ATXN3: variants seen among roughly 807,000 people sequenced by gnomAD.
ATXN3 encodes ataxin-3.
A neutral mutation model predicts 58.2 loss-of-function variants in ATXN3; 28 were observed. The observed-to-expected ratio is 0.48, with a 90% CI of 0.36 to 0.66. The LOEUF (loss-of-function observed/expected upper bound fraction) is 0.66, where lower values mean the gene tolerates loss of function less well. Among genes scored for constraint, ATXN3 ranks in the 30% least tolerant of loss-of-function variants. ATXN3 has a pLI of 0.00. For missense variants in ATXN3, 321 were observed against 422.1 expected, an observed-to-expected ratio of 0.76 and a Z score of 2.10; for synonymous variants, 113 against 138.5, an observed-to-expected ratio of 0.82 and a Z score of 1.29.
chr14:92,091,758 CACGATCATGA>C (rs2063867739), intron 5 of ATXN3, among the ~76,000 whole-genome samples: 5 of 152,050 alleles, frequency 3.3e-5, no homozygotes, highest in African/African-American at 1.2e-4. Context: ...AGTGCAGTAG[CACGATCATGA>C]TTCACTGCAG....
At chr14:92,080,860 T>C (rs2061350849) in intron 9 of ATXN3, 105 bp downstream of exon 9, 1 of 975,524 alleles carries the variant, frequency 1.0e-6, no homozygotes, top group Non-Finnish European at 1.6e-6. Context: ...TTTTAAAAAA[T>C]ACATTCAAAT....
At chr14:92,045,476 G>T (rs1050638823) in intron 2 of ATXN3, among the ~76,000 whole-genome samples, 2 of 152,074 alleles carry the variant, frequency 1.3e-5, no homozygotes, top group Non-Finnish European at 2.9e-5. Flanking sequence ...CAGACCAAGA[G>T]GTATTTTAGT....
At chr14:92,066,894 C>G (rs373062241) in intron 10 of ATXN3, among the ~76,000 whole-genome samples, 3 of 151,956 alleles carry the variant, frequency 2.0e-5, no homozygotes, top group African/African-American at 4.8e-5. Context: ...CTCAGCCTCC[C>G]AAGTAGCTAG....
Position 92,063,615 on chromosome 14 carries a change from G to A in ATXN3, c.*705C>T, listed in dbSNP as rs1242847445. 1 of 152,208 alleles carries A rather than the reference G, an allele frequency of 6.6e-6. No homozygotes were observed. Among genetic ancestry groups the A allele is most frequent in the Non-Finnish European group, 1.5e-5 (1 of 68,028 alleles). The allele number at this position is 152,208 out of a possible 1,614,324, so 9.4% of individuals were successfully genotyped here. ...AATGCTCATTTATTCTCAAGTACTT[G>A]TGCAAGGCTGATTTCAGAGTTTAGG... On this transcript the variant is annotated 3_prime_UTR_variant, in exon 11 of 11. Coordinates refer to ENST00000644486, the MANE Select transcript of ATXN3 (RefSeq NM_004993.6).
chr14:92,073,462 T>C (rs1241483788), intron 9 of ATXN3: 2 of 152,212 alleles, frequency 1.3e-5, no homozygotes, highest in Non-Finnish European at 2.9e-5. Flanking sequence ...TCCCAGCACT[T>C]TGGGAGGCCA....
upstream of ATXN3, among the ~76,000 whole-genome samples, chr14:92,051,987 A>G (rs1337164847): frequency 6.6e-6 from 1 of 151,396 alleles, no homozygotes; most frequent in African/African-American, 2.4e-5. Context: ...GGCCTCCCAA[A>G]GTGCTGGGAT....
chr14:92,086,975 A>C (rs2062735466), intron 6 of ATXN3, among the ~76,000 whole-genome samples: 1 of 152,182 alleles, frequency 6.6e-6, no homozygotes, highest in African/African-American at 2.4e-5. Context: ...CTCAAAGCAC[A>C]GGTGAAGATA....
chr14:92,092,458 C>A (rs144235163), intron 5 of ATXN3, among the ~76,000 whole-genome samples: 42 of 152,284 alleles, frequency 2.8e-4, no homozygotes, highest in Middle Eastern at 3.4e-3. Flanking sequence ...TGTAGACGTA[C>A]GTATTACATG....
intron 10 of ATXN3, among the ~76,000 whole-genome samples, chr14:92,068,217 G>T: frequency 6.6e-6 from 1 of 152,134 alleles, no homozygotes. Context: ...TCCCCAGTCA[G>T]CCTTCTCTAA....
rs1353573210 is a variant in ATXN3, at chr14:92,060,264, A to ATTTTT, written c.*4055_*4056insAAAAA. The ATTTTT allele has an allele frequency of 8.9e-6, 1 of 112,126 alleles. No individual in the cohort carries two copies. 6.9% of individuals were successfully genotyped at this position (112,126 alleles called of 1,614,324 possible). On this transcript the variant is annotated 3_prime_UTR_variant, in exon 11 of 11. Coordinates refer to ENST00000644486, the MANE Select transcript of ATXN3 (RefSeq NM_004993.6). ...TATATACACACATATATATATATATATATATATTTTTTTTTTTCAGAAACA... is the reference window on the plus strand; with the variant it reads ...TATATACACACATATATATATATATATTTTTTATATATTTTTTTTTTTCAGAAACA...
intron 2 of ATXN3, 166 bp from the exon 3 acceptor site, chr14:92,096,303 T>C (rs1164067733): frequency 2.7e-6 from 4 of 1,491,664 alleles, no homozygotes; most frequent in African/African-American, 1.4e-5. Flanking sequence ...GAATGGCCCA[T>C]CCTTTTCTAA....
chr14:92,049,595 C>A, intron 1 of ATXN3: 1 of 176,572 alleles, frequency 5.7e-6, no homozygotes, highest in Non-Finnish European at 1.1e-5. Context: ...ATGGAAAAGA[C>A]CGCTTACCCG....
At chr14:92,085,086 G>A (rs1052339442) in intron 6 of ATXN3, among the ~76,000 whole-genome samples, 2 of 152,088 alleles carry the variant, frequency 1.3e-5, no homozygotes, top group Non-Finnish European at 2.9e-5. Flanking sequence ...AAATATGCCA[G>A]CTCACCATGG....
intron 5 of ATXN3, among the ~76,000 whole-genome samples, 185 bp downstream of exon 5, chr14:92,093,066 TA>T (rs1330767083): frequency 1.7e-4 from 22 of 132,690 alleles, no homozygotes; most frequent in South Asian, 7.6e-4. Flanking sequence ...TTTTTATTTT[TA>T]TTTTTTTTTT....
chr14:92,102,204 GA>G (rs1295751411), intron 1 of ATXN3, among the ~76,000 whole-genome samples: 15 of 126,928 alleles, frequency 1.2e-4, no homozygotes, highest in Admixed American at 1.2e-3. Context: ...TCCAAAGAAA[GA>G]AAAGAAAGAA....
chr14:92,079,703 T>C (rs1345820611), intron 9 of ATXN3, among the ~76,000 whole-genome samples: 2 of 152,218 alleles, frequency 1.3e-5, no homozygotes, highest in Non-Finnish European at 2.9e-5. Flanking sequence ...TCAGTGGGTC[T>C]GATTATTTAT....
At chr14:92,074,669 C>T (rs191436857) in intron 9 of ATXN3, among the ~76,000 whole-genome samples, 8 of 152,308 alleles carry the variant, frequency 5.3e-5, no homozygotes, top group Admixed American at 1.3e-4. Context: ...ATTATGTAAA[C>T]CCCTAATTTC....
At chr14:92,071,114 T>G in intron 9 of ATXN3, 61 bp from the exon 10 acceptor site, 2 of 1,531,604 alleles carry the variant, frequency 1.3e-6, no homozygotes. Flanking sequence ...AAATACACCA[T>G]GAGAAAAACT....
At chr14:92,051,015 T>G (rs529923090), upstream of ATXN3, among the ~76,000 whole-genome samples, 7 of 152,374 alleles carry the variant, frequency 4.6e-5, no homozygotes, top group African/African-American at 1.7e-4. Flanking sequence ...CTGATACTTT[T>G]CTGAATTTCT....
Sources: gnomAD v4.1 joint callset for allele counts (sites outside exome capture counted in the v4.1 genomes callset) on GRCh38, gnomAD v4.1.1 for gene constraint, MANE v1.5 for transcripts, NCBI Gene and HGNC (gene_info 2026-07-23, HGNC 2026-07-21) for gene names.